The following NPEPL1 variants were observed in gnomAD, a reference collection of about 807,000 sequenced individuals.
NPEPL1 encodes the protein probable aminopeptidase NPEPL1.
A neutral mutation model predicts 52.4 loss-of-function variants in NPEPL1; 45 were observed. That is an observed-to-expected ratio of 0.86 (90% CI 0.68 to 1.10). The LOEUF (loss-of-function observed/expected upper bound fraction) is 1.10, where lower values mean the gene tolerates loss of function less well. Among genes scored for constraint, NPEPL1 ranks in the 50% least tolerant of loss-of-function variants. NPEPL1 has a pLI of 0.00. For synonymous variants in NPEPL1, 360 were observed against 314.7 expected (o/e 1.14, Z -1.52); for missense variants, 696 against 710.9 (o/e 0.98, Z 0.24).
intron 7 of NPEPL1, among the ~76,000 whole-genome samples, chr20:58,711,940 G>A (rs1477438084): frequency 3.8e-5 from 5 of 133,178 alleles, no homozygotes; most frequent in African/African-American, 1.2e-4. Context: ...CTGCCCGGGT[G>A]TGGCCCGCTT....
At chr20:58,704,492 T>C in intron 6 of NPEPL1, 1 of 480,484 alleles carries the variant, frequency 2.1e-6, no homozygotes, top group Non-Finnish European at 2.7e-6. Context: ...GTATAATTCA[T>C]TAAAAATAAC....
intron 6 of NPEPL1, chr20:58,703,357 C>T (rs780743197): frequency 1.2e-5 from 6 of 514,360 alleles, no homozygotes; most frequent in South Asian, 8.3e-5. Flanking sequence ...TCAGAGATAC[C>T]GGCACACGGT....
intron 3 of NPEPL1, among the ~76,000 whole-genome samples, chr20:58,697,973 T>A (rs982999897): frequency 1.3e-5 from 2 of 152,166 alleles, no homozygotes; most frequent in African/African-American, 4.8e-5. Flanking sequence ...ACACGTCAGT[T>A]CCATGAGGCG....
chr20:58,692,960 G>C lies in NPEPL1; in HGVS notation c.60G>C (p.Arg20=), dbSNP rs963166346. 38 of 1,189,448 alleles carry C rather than the reference G, an allele frequency of 3.2e-5. No homozygotes were observed. The highest frequency in any genetic ancestry group is 3.9e-5 in the Non-Finnish European group (37 of 941,480). The allele number at this position is 1,189,448 out of a possible 1,614,324, so 73.7% of individuals were successfully genotyped here. A position where few individuals can be genotyped will look rare whatever the true frequency, so the allele number is the denominator to read the frequency against. The change falls in exon 1 of 12, where the codon CGG becomes CGC. Residue 20 remains arginine, a synonymous_variant. Coordinates refer to ENST00000356091, the MANE Select transcript of NPEPL1 (RefSeq NM_024663.4). This position sits in a 1 kb window ranked among gnomAD's most constrained non-coding sequence, Gnocchi z 5.7. ...ASAGDSDPQS[R]PLLLLGQLHH... is the part of the protein sequence containing the mutation. ...CGGGGGACTCGGACCCACAGAGCCG[G>C]CCCCTGCTGCTGCTCGGGCAGCTGC...
chr20:58,704,467 A>G lies in NPEPL1; in HGVS notation c.823-2656A>G, dbSNP rs541106615. On this transcript the variant is annotated intron_variant, in intron 6 of 11. Transcript: ENST00000356091. ...TTTACTCTACTGGAAATTAAAAGTG[A>G]GAAATTTATAACATGTATAATTCAT... 13 of 668,934 alleles carry G rather than the reference A, an allele frequency of 1.9e-5. No individual in the cohort carries two copies. In the South Asian group the frequency reaches 7.4e-4, roughly 38 times the overall value. The allele number at this position is 668,934 out of a possible 1,614,324, so 41.4% of individuals were successfully genotyped here.
At chr20:58,704,959 A>G (rs1465502861) in intron 6 of NPEPL1, among the ~76,000 whole-genome samples, 1 of 152,160 alleles carries the variant, frequency 6.6e-6, no homozygotes, top group Non-Finnish European at 1.5e-5. Context: ...TCACTTGAAA[A>G]ATGTTGGTTC....
chr20:58,696,105 G>A (rs568941103), intron 3 of NPEPL1, among the ~76,000 whole-genome samples: 16 of 152,336 alleles, frequency 1.1e-4, no homozygotes, highest in Middle Eastern at 6.8e-3. Flanking sequence ...ACGGGTGCCC[G>A]CAGAGCCCAC....
rs1485804656 is a variant in NPEPL1 at position 58,713,006 on chromosome 20, G to T, written c.1002-414G>T. ...GAGCAAGTGGCTCCAGAATTCAAAAGAGAAGAGCCCTCTCCCCAGCCCCAT... is the reference window on the plus strand; with the variant it reads ...GAGCAAGTGGCTCCAGAATTCAAAATAGAAGAGCCCTCTCCCCAGCCCCAT... On this transcript the variant is annotated intron_variant, in intron 8 of 11. Coordinates refer to ENST00000356091, the MANE Select transcript of NPEPL1 (RefSeq NM_024663.4). The surrounding 1 kb of genome is among the most constrained non-coding windows in gnomAD (Gnocchi z 4.6). The T allele has an allele frequency of 2.7e-6, 1 of 370,122 alleles. No homozygotes were observed. The highest frequency in any genetic ancestry group is 5.2e-6 in the Non-Finnish European group (1 of 191,224). 22.9% of individuals were successfully genotyped at this position (370,122 alleles called of 1,614,324 possible). A position where few individuals can be genotyped will look rare whatever the true frequency, so the allele number is the denominator to read the frequency against.
rs1216063171 is a variant in NPEPL1 at position 58,703,837 on chromosome 20, AG to A, written c.822+2680del. 334 of 984,880 alleles carry A rather than the reference AG, an allele frequency of 3.4e-4. 1 individual carries two copies. Among genetic ancestry groups the A allele is most frequent in the Non-Finnish European group, 3.9e-4 (325 of 829,902 alleles). 61.0% of individuals were successfully genotyped at this position (984,880 alleles called of 1,614,324 possible). ...AGGGTGGCTGGTAGAACTGCCAGAG[AG>A]TAGGGCATTTTCCATGGCTCCAGAT... On this transcript the variant is annotated intron_variant, in intron 6 of 11. Coordinates refer to ENST00000356091, the MANE Select transcript of NPEPL1 (RefSeq NM_024663.4).
chr20:58,692,927 G>C lies in NPEPL1; in HGVS notation c.27G>C (p.Gln9His). 8.9e-7 allele frequency: 1 copy of C among 1,126,598 alleles called. No homozygotes were observed. Among genetic ancestry groups the C allele is most frequent in the Non-Finnish European group, 1.1e-6 (1 of 908,842 alleles). The allele number at this position is 1,126,598 out of a possible 1,614,324, so 69.8% of individuals were successfully genotyped here. The part of the protein sequence containing the change: MANVGLQF[Q>H]ASAGDSDPQS... ...TGGCGAACGTGGGGCTGCAGTTCCAGGCGAGCGCGGGGGACTCGGACCCAC... is the reference window on the plus strand; with the variant it reads ...TGGCGAACGTGGGGCTGCAGTTCCACGCGAGCGCGGGGGACTCGGACCCAC... Residue 9 changes from glutamine to histidine, a missense_variant, in exon 1 of 12, where the codon CAG becomes CAC. Gln to His is a conservative substitution (Grantham distance 24, BLOSUM62 0). Coordinates refer to ENST00000356091, the MANE Select transcript of NPEPL1 (RefSeq NM_024663.4). This position sits in a 1 kb window ranked among gnomAD's most constrained non-coding sequence, Gnocchi z 5.7.
rs2084904566 is a variant in NPEPL1, at chr20:58,713,878, C to T, written c.1126-39C>T. 57 of 1,422,892 alleles carry T rather than the reference C, an allele frequency of 4.0e-5. No homozygotes were observed. The highest frequency in any genetic ancestry group is 5.0e-5 in the Non-Finnish European group (55 of 1,091,198). The allele number at this position is 1,422,892 out of a possible 1,614,324, so 88.1% of individuals were successfully genotyped here. On this transcript the variant is annotated intron_variant, in intron 9 of 11. Coordinates refer to ENST00000356091, the MANE Select transcript of NPEPL1 (RefSeq NM_024663.4). This position sits in a 1 kb window ranked among gnomAD's most constrained non-coding sequence, Gnocchi z 4.6. ...TTTGCCTTGGGTGTTTCTCTCCTGC[C>T]GTCCCGTCCACACGCTTCCCGGGTT...
At chr20:58,710,012 T>A (rs1601129874) in intron 7 of NPEPL1, among the ~76,000 whole-genome samples, 1 of 149,828 alleles carries the variant, frequency 6.7e-6, no homozygotes. Flanking sequence ...GGGTGAAGGG[T>A]GTTGAGGAAT....
rs779617488 is a variant in NPEPL1 at position 58,712,550 on chromosome 20, A to G, written c.972A>G (p.Pro324=). The change falls in exon 8 of 12, where the codon CCA becomes CCG. Residue 324 remains proline (P), a synonymous_variant. Coordinates refer to ENST00000356091, the MANE Select transcript of NPEPL1 (RefSeq NM_024663.4). The part of the protein sequence containing the change: ...ENSVGPNATR[P]DDIHLLYSGK... ...CGGTGGGGCCCAATGCGACAAGGCC[A>G]GATGACATCCACCTGCTGTACTCAG... 1 of 1,613,526 alleles carries G rather than the reference A, an allele frequency of 6.2e-7. No homozygotes were observed. Among genetic ancestry groups the G allele is most frequent in the Non-Finnish European group, 8.5e-7 (1 of 1,179,630 alleles).
chr20:58,704,541 A>AAGAT (rs1360504776), intron 6 of NPEPL1: 2 of 295,940 alleles, frequency 6.8e-6, no homozygotes, highest in African/African-American at 4.5e-5. Flanking sequence ...TAATTTTATG[A>AAGAT]AGATAAGCAT....
rs746130989 is a variant in NPEPL1 at position 58,712,687 on chromosome 20, G to C, written c.1001+108G>C. The C allele has an allele frequency of 4.6e-5, 38 of 818,460 alleles. No individual in the cohort carries two copies. In the East Asian group the frequency reaches 9.4e-4, roughly 20 times the overall value. The allele number at this position is 818,460 out of a possible 1,614,324, so 50.7% of individuals were successfully genotyped here. On this transcript the variant is annotated intron_variant, in intron 8 of 11. Coordinates refer to ENST00000356091, the MANE Select transcript of NPEPL1 (RefSeq NM_024663.4). ...CATATCGGGAGGGCACTCAGCGTTGGGGTCCCCTGGGCAGCAGGCTCCTTG... is the reference window on the plus strand; with the variant it reads ...CATATCGGGAGGGCACTCAGCGTTGCGGTCCCCTGGGCAGCAGGCTCCTTG...
At chr20:58,691,658 G>T, upstream of NPEPL1, 1 of 731,546 alleles carries the variant, frequency 1.4e-6, no homozygotes, top group South Asian at 1.7e-5. Flanking sequence ...ACCACGCCAG[G>T]GAGTTGACAG....
chr20:58,697,911 G>C (rs975519263), intron 3 of NPEPL1, among the ~76,000 whole-genome samples: 4 of 152,232 alleles, frequency 2.6e-5, no homozygotes, highest in African/African-American at 9.6e-5. Context: ...TCGAGTGTGG[G>C]CTCTGAAGCC....
In NPEPL1 at chr20:58,701,767, C is replaced by T. The variant is rs75189584; in HGVS notation, c.822+609C>T. ...GGCCACACAAGACCCTCCAAAGGCA[C>T]GTGACCCCCAAGAGCGAGGGGAATC... On this transcript the variant is annotated intron_variant, in intron 6 of 11. Coordinates refer to ENST00000356091, the MANE Select transcript of NPEPL1 (RefSeq NM_024663.4). Among the ~76,000 whole-genome samples the T allele has an allele frequency of 3.9e-3, 599 of 152,240 alleles. 7 individuals carry two copies. The highest frequency in any genetic ancestry group is 0.013 in the African/African-American group (550 of 41,548).
intron 6 of NPEPL1, among the ~76,000 whole-genome samples, chr20:58,706,568 G>C (rs1032805943): frequency 6.6e-4 from 100 of 152,316 alleles, no homozygotes; most frequent in African/African-American, 2.3e-3. Flanking sequence ...CTAGGAATCT[G>C]CAATGGGTGC....
Sources: gnomAD v4.1 joint callset for allele counts (sites outside exome capture counted in the v4.1 genomes callset) on GRCh38, gnomAD v4.1.1 for gene constraint, Gnocchi (gnomAD v3.1) non-coding constraint, MANE v1.5 for transcripts, NCBI Gene and HGNC (gene_info 2026-07-23, HGNC 2026-07-21) for gene names.